RBFOX3: variants seen among roughly 807,000 people sequenced by gnomAD.
RBFOX3 encodes RNA binding protein fox-1 homolog 3.
RBFOX3 carries 17 observed loss-of-function variants against 48.7 expected under a neutral mutation model. That is an observed-to-expected ratio of 0.35 (90% confidence interval 0.24 to 0.52). The LOEUF (loss-of-function observed/expected upper bound fraction) is 0.52. RBFOX3 is among the 20% of genes least tolerant of loss of function. The pLI is 0.94. For synonymous variants in RBFOX3, 212 were observed against 209.5 expected (o/e 1.01, Z -0.10); for missense variants, 382 against 497.5 (o/e 0.77, Z 2.21).
At chr17:79,616,581 A>AC in the RBFOX3 span, among the ~76,000 whole-genome samples, 33 of 70,476 alleles carry the variant, frequency 4.7e-4, no homozygotes, top group South Asian at 8.4e-4. Context: ...CTCTCTATAC[A>AC]AACACACACA....
chr17:79,584,843 G>T (rs2093192682), intron 1 of RBFOX3, among the ~76,000 whole-genome samples: 1 of 151,834 alleles, frequency 6.6e-6, no homozygotes, highest in Admixed American at 6.6e-5. Flanking sequence ...TCAGCTCACT[G>T]CAAGCTCCAC....
intron 1 of RBFOX3, among the ~76,000 whole-genome samples, chr17:79,531,076 G>C (rs912835480): frequency 9.2e-5 from 14 of 152,228 alleles, no homozygotes; most frequent in Non-Finnish European, 7.3e-5. Flanking sequence ...TCCCCGCCAG[G>C]ACTTAGCAAT....
intron 3 of RBFOX3, among the ~76,000 whole-genome samples, chr17:79,245,522 C>CCCATTCCCACCGCTCACCCCCTCA (rs2063032381): frequency 6.7e-6 from 1 of 148,592 alleles, no homozygotes; most frequent in Non-Finnish European, 1.5e-5. Flanking sequence ...ACACTGTTCA[C>CCCATTCCCACCGCTCACCCCCTCA]CCATTCCCAC....
intron 1 of RBFOX3, among the ~76,000 whole-genome samples, chr17:79,543,621 A>T (rs1555790984): frequency 6.6e-6 from 1 of 152,186 alleles, no homozygotes; most frequent in Admixed American, 6.5e-5. Flanking sequence ...GAAAAGGAAT[A>T]AACAAACAAG....
chr17:79,516,299 T>C (rs2085241707), intron 1 of RBFOX3, among the ~76,000 whole-genome samples: 2 of 152,206 alleles, frequency 1.3e-5, no homozygotes, highest in Non-Finnish European at 2.9e-5. Context: ...CAGGTGGCCA[T>C]GAGTTCTATG....
At chr17:79,117,409 G>A (rs2034367394) in intron 4 of RBFOX3, among the ~76,000 whole-genome samples, 1 of 152,164 alleles carries the variant, frequency 6.6e-6, no homozygotes, top group Non-Finnish European at 1.5e-5. Context: ...TCCACCCCAC[G>A]CTCCCATCAC....
chr17:79,243,139 C>G lies in RBFOX3; in HGVS notation c.-73-7334G>C, dbSNP rs550880494. On this transcript the variant is annotated intron_variant, in intron 3 of 14. Transcript: ENST00000693108. This position sits in a 1 kb window ranked among gnomAD's most constrained non-coding sequence, Gnocchi z 7.9. ...CAGTTTCCAAACATCAAATCTGAAG[C>G]TTGGGGAAGTGAAGCAGATTGCCCT... Among the ~76,000 whole-genome samples the G allele has an allele frequency of 6.6e-6, 1 of 152,292 alleles. No individual in the cohort carries two copies. Among genetic ancestry groups the G allele is most frequent in the African/African-American group, 2.4e-5 (1 of 41,564 alleles).
chr17:79,571,701 G>C (rs912741674), intron 1 of RBFOX3, among the ~76,000 whole-genome samples: 1 of 152,124 alleles, frequency 6.6e-6, no homozygotes, highest in African/African-American at 2.4e-5. Flanking sequence ...ACCAAGCAAG[G>C]GTGGTGGGTC....
At chr17:79,371,247 A>G (rs564459271) in intron 2 of RBFOX3, among the ~76,000 whole-genome samples, 1 of 152,322 alleles carries the variant, frequency 6.6e-6, no homozygotes, top group East Asian at 1.9e-4. Context: ...CTGCCTGGGC[A>G]CCTGGGTTTG....
chr17:79,198,363 G>T lies in RBFOX3; in HGVS notation c.-34+37403C>A, dbSNP rs1458336149. ...CTGCACCTGGCGATGGTGACTCAGGGGATGTCTTTCCAGCTCTCACGGGAC... is the reference window on the plus strand; with the variant it reads ...CTGCACCTGGCGATGGTGACTCAGGTGATGTCTTTCCAGCTCTCACGGGAC... On this transcript the variant is annotated intron_variant, in intron 4 of 14. Coordinates refer to ENST00000693108, the MANE Select transcript of RBFOX3 (RefSeq NM_001350451.2). The surrounding 1 kb of genome is among the most constrained non-coding windows in gnomAD (Gnocchi z 8.2). Among the ~76,000 whole-genome samples the T allele has an allele frequency of 6.6e-6, 1 of 152,162 alleles. No homozygotes were observed. The highest frequency in any genetic ancestry group is 1.5e-5 in the Non-Finnish European group (1 of 68,030).
chr17:79,318,277 G>C (rs578143605), intron 2 of RBFOX3, among the ~76,000 whole-genome samples: 20 of 152,290 alleles, frequency 1.3e-4, no homozygotes, highest in African/African-American at 4.6e-4. Flanking sequence ...GGAGAAGGAG[G>C]TCTGTGTGCT....
At chr17:79,274,078 T>C (rs932926418) in intron 3 of RBFOX3, among the ~76,000 whole-genome samples, 4 of 152,160 alleles carry the variant, frequency 2.6e-5, no homozygotes, top group African/African-American at 7.2e-5. Flanking sequence ...GCTGACCCCA[T>C]GCATACAGCT....
chr17:79,407,260 G>A (rs530197794), intron 2 of RBFOX3, among the ~76,000 whole-genome samples: 79 of 152,318 alleles, frequency 5.2e-4, no homozygotes, highest in Admixed American at 1.3e-4. Context: ...CACCTGCCTC[G>A]GCCTCCCAAA....
intron 1 of RBFOX3, among the ~76,000 whole-genome samples, chr17:79,584,698 C>T (rs1054702210): frequency 1.2e-4 from 18 of 152,182 alleles, no homozygotes; most frequent in Non-Finnish European, 2.6e-4. Context: ...ATGTTCACAC[C>T]CATCTGTGGG....
chr17:79,557,225 CAAAAAAAAAA>C (rs1167997833), intron 1 of RBFOX3, among the ~76,000 whole-genome samples: 1 of 86,568 alleles, frequency 1.2e-5, no homozygotes, highest in Non-Finnish European at 2.2e-5. Flanking sequence ...GACACTGTCT[CAAAAAAAAAA>C]AAAAAAAAAA....
At chr17:79,124,739 C>T (rs1318261237) in intron 4 of RBFOX3, among the ~76,000 whole-genome samples, 1 of 152,236 alleles carries the variant, frequency 6.6e-6, no homozygotes, top group Non-Finnish European at 1.5e-5. Flanking sequence ...CTCTCCACCC[C>T]TTACCCCGCC....
chr17:79,504,704 C>T (rs950337828), intron 1 of RBFOX3, among the ~76,000 whole-genome samples: 11 of 152,312 alleles, frequency 7.2e-5, no homozygotes, highest in East Asian at 1.9e-4. Flanking sequence ...ATTTAGGGCC[C>T]GCCTGGATAA....
chr17:79,543,532 G>A (rs2090005177), intron 1 of RBFOX3, among the ~76,000 whole-genome samples: 1 of 152,014 alleles, frequency 6.6e-6, no homozygotes, highest in Admixed American at 6.6e-5. Context: ...CAGCTACTCG[G>A]CACAGAGCGA....
intron 1 of RBFOX3, among the ~76,000 whole-genome samples, chr17:79,586,848 C>T (rs1350405444): frequency 6.6e-6 from 1 of 152,156 alleles, no homozygotes; most frequent in Admixed American, 6.5e-5. Context: ...CATTTGATTG[C>T]ATGAGAGATG....
Sources: allele counts gnomAD v4.1 joint callset (sites outside exome capture counted in the v4.1 genomes callset), GRCh38; gene constraint gnomAD v4.1.1; non-coding constraint Gnocchi (gnomAD v3.1); transcripts MANE v1.5; gene names NCBI Gene and HGNC (gene_info 2026-07-23, HGNC 2026-07-21).